Variants in HIP1 observed in about 807,000 individuals in gnomAD.
HIP1 encodes the protein huntingtin interacting protein 1.
Under a neutral mutation model 147.6 loss-of-function variants are expected in HIP1, and 65 were observed. The ratio of observed to expected loss-of-function variants is 0.44; its 90% confidence interval spans 0.36 to 0.54. The LOEUF (loss-of-function observed/expected upper bound fraction) is 0.54. Among genes scored for constraint, HIP1 ranks in the 20% least tolerant of loss-of-function variants. HIP1 has a pLI of 0.00. For synonymous variants in HIP1, 479 were observed against 504.0 expected (o/e 0.95, Z 0.67); for missense variants, 1,061 against 1,299.6 (o/e 0.82, Z 2.82).
chr7:75,643,429 C>T (rs993929558), intron 1 of HIP1, among the ~76,000 whole-genome samples: 9 of 152,078 alleles, frequency 5.9e-5, no homozygotes, highest in South Asian at 2.1e-4. Flanking sequence ...CCCAGGAGTT[C>T]GAGACCAGCC....
chr7:75,573,866 C>G lies in HIP1; in HGVS notation c.640G>C (p.Val214Leu). The G allele has an allele frequency of 6.2e-7, 1 of 1,614,036 alleles. No individual in the cohort carries two copies. The highest frequency in any genetic ancestry group is 1.3e-5 in the African/African-American group (1 of 74,998). The change falls in exon 8 of 31, where the codon GTG (valine) becomes CTG (leucine). Residue 214 changes from valine to leucine, a missense_variant. Transcript: ENST00000336926. ...AGGCGGCACTGCCCTGCTGCCGTCA[C>G]GGACACAGAGCGGGACATGTCCAGG... ...NSLDMSRSVS[V>L]TAAGQCRLAP...
chr7:75,631,673 C>G (rs1159064397), intron 1 of HIP1, among the ~76,000 whole-genome samples: 1 of 152,116 alleles, frequency 6.6e-6, no homozygotes, highest in African/African-American at 2.4e-5. Flanking sequence ...TTTATTTTTT[C>G]TTGAATGACC....
chr7:75,609,550 T>G (rs1439395987), intron 1 of HIP1, among the ~76,000 whole-genome samples: 1 of 150,916 alleles, frequency 6.6e-6, no homozygotes, highest in Non-Finnish European at 1.5e-5. Flanking sequence ...AACGGTACCG[T>G]TTTCTTTTTT....
At chr7:75,546,888 G>C (rs377452278) in intron 25 of HIP1, 51 bp downstream of exon 25, 3 of 1,279,558 alleles carry the variant, frequency 2.3e-6, no homozygotes, top group Middle Eastern at 2.1e-4. Context: ...TGGAGCGGGA[G>C]TCTGTCACCA....
At chr7:75,619,662 G>A (rs1554506662) in intron 1 of HIP1, among the ~76,000 whole-genome samples, 2 of 152,120 alleles carry the variant, frequency 1.3e-5, no homozygotes, top group Non-Finnish European at 2.9e-5. Context: ...TCTGGAAAAT[G>A]TGAATTGCCA....
chr7:75,732,554 A>AT (rs1439575233), intron 1 of HIP1, among the ~76,000 whole-genome samples: 1 of 151,774 alleles, frequency 6.6e-6, no homozygotes, highest in Non-Finnish European at 1.5e-5. Flanking sequence ...ATTTGATTTG[A>AT]TTTTTTTGTA....
chr7:75,567,764 G>A (rs1380804125), intron 9 of HIP1, among the ~76,000 whole-genome samples: 1 of 146,394 alleles, frequency 6.8e-6, no homozygotes, highest in Non-Finnish European at 1.5e-5. Flanking sequence ...TCGTGCCATT[G>A]CCATTGCACT....
chr7:75,722,183 A>C (rs1801523325), intron 1 of HIP1, among the ~76,000 whole-genome samples: 1 of 152,064 alleles, frequency 6.6e-6, no homozygotes, highest in South Asian at 2.1e-4. Flanking sequence ...GGTGGTGTGC[A>C]TGTGTAGTCC....
intron 1 of HIP1, among the ~76,000 whole-genome samples, chr7:75,685,790 C>T (rs991820551): frequency 9.8e-5 from 15 of 152,290 alleles, no homozygotes; most frequent in African/African-American, 3.1e-4. Context: ...CTCAGGTGAT[C>T]TGCCCACCTC....
intron 1 of HIP1, among the ~76,000 whole-genome samples, chr7:75,668,297 T>C (rs1030749890): frequency 1.3e-5 from 2 of 152,186 alleles, no homozygotes; most frequent in African/African-American, 2.4e-5. Flanking sequence ...ATAGGATTCC[T>C]GCACTCAGGA....
At chr7:75,552,665 T>C (rs1794829117) in intron 22 of HIP1, among the ~76,000 whole-genome samples, 1 of 152,042 alleles carries the variant, frequency 6.6e-6, no homozygotes, top group South Asian at 2.1e-4. Flanking sequence ...CACTACATCT[T>C]TAGTAAATGA....
chr7:75,683,013 C>T (rs1055624020), intron 1 of HIP1, among the ~76,000 whole-genome samples: 5 of 151,526 alleles, frequency 3.3e-5, no homozygotes, highest in Admixed American at 6.6e-5. Context: ...GATGGAGTCT[C>T]GCTCTGTCGC....
At chr7:75,567,318 G>C (rs1795445814) in intron 9 of HIP1, among the ~76,000 whole-genome samples, 2 of 151,148 alleles carry the variant, frequency 1.3e-5, no homozygotes, top group African/African-American at 4.9e-5. Flanking sequence ...AATGCTATAA[G>C]ACCAGAACTT....
intron 1 of HIP1, among the ~76,000 whole-genome samples, chr7:75,613,583 T>C (rs587761101): frequency 6.6e-6 from 1 of 152,178 alleles, no homozygotes; most frequent in Admixed American, 6.5e-5. Context: ...GGGCCCCTAT[T>C]TTCCAAGACA....
chr7:75,595,070 T>G (rs1048359936), intron 2 of HIP1, among the ~76,000 whole-genome samples: 1 of 152,130 alleles, frequency 6.6e-6, no homozygotes, highest in African/African-American at 2.4e-5. Context: ...GTTATTTTGC[T>G]TCTGAACTGG....
intron 1 of HIP1, among the ~76,000 whole-genome samples, chr7:75,679,963 A>G (rs1337055738): frequency 2.0e-5 from 3 of 152,200 alleles, no homozygotes; most frequent in Admixed American, 2.0e-4. Context: ...AGCATCCTAG[A>G]AATAGCCTGT....
intron 8 of HIP1, among the ~76,000 whole-genome samples, chr7:75,572,676 G>A (rs1795687865): frequency 6.6e-6 from 1 of 152,206 alleles, no homozygotes; most frequent in Non-Finnish European, 1.5e-5. Context: ...TGGGGCTGTA[G>A]CCGCCCAAGT....
chr7:75,627,242 G>A (rs1279628790), intron 1 of HIP1, among the ~76,000 whole-genome samples: 2 of 152,150 alleles, frequency 1.3e-5, no homozygotes, highest in African/African-American at 4.8e-5. Flanking sequence ...CATATCAAGG[G>A]CACTCTATAA....
chr7:75,585,413 C>A (rs587705994), intron 5 of HIP1, among the ~76,000 whole-genome samples: 1 of 152,016 alleles, frequency 6.6e-6, no homozygotes, highest in South Asian at 2.1e-4. Flanking sequence ...AGACCTCAGA[C>A]GATCCGCCCG....
Sources: allele counts gnomAD v4.1 joint callset (sites outside exome capture counted in the v4.1 genomes callset), GRCh38; gene constraint gnomAD v4.1.1; transcripts MANE v1.5; gene names NCBI Gene and HGNC (gene_info 2026-07-23, HGNC 2026-07-21).